Variants in PLXNA2 observed in about 807,000 individuals in gnomAD.
PLXNA2 encodes plexin-A2.
In PLXNA2, 91 loss-of-function variants were observed where a neutral mutation model predicts 193.5. That is an observed-to-expected ratio of 0.47 (90% CI 0.40 to 0.56). The LOEUF is 0.56. Ranked by LOEUF, PLXNA2 falls within the 20% of genes least tolerant of loss-of-function variation. The pLI is 0.00. For missense variants in PLXNA2, 1,995 were observed against 2,503.2 expected, an observed-to-expected ratio of 0.80 and a Z score of 4.33; for synonymous variants, 997 against 1,027.3, an observed-to-expected ratio of 0.97 and a Z score of 0.56.
At chr1:208,067,624 A>G (rs1381840904) in intron 12 of PLXNA2, among the ~76,000 whole-genome samples, 1 of 152,162 alleles carries the variant, frequency 6.6e-6, no homozygotes, top group East Asian at 1.9e-4. Flanking sequence ...GTTTAGATAC[A>G]CAAGTACTTA....
chr1:208,050,950 C>T, intron 17 of PLXNA2, 59 bp downstream of exon 17: 1 of 1,304,034 alleles, frequency 7.7e-7, no homozygotes, highest in Non-Finnish European at 1.1e-6. Flanking sequence ...CATCCCATTG[C>T]AAAACATCAA....
At chr1:208,145,395 C>T (rs981536765) in intron 3 of PLXNA2, among the ~76,000 whole-genome samples, 2 of 152,234 alleles carry the variant, frequency 1.3e-5, no homozygotes, top group African/African-American at 4.8e-5. Context: ...CAAGCCTGGT[C>T]TGGGATCTCC....
At chr1:208,029,120 T>C in intron 29 of PLXNA2, 78 bp from the exon 30 acceptor site, 1 of 1,573,734 alleles carries the variant, frequency 6.4e-7, no homozygotes, top group Non-Finnish European at 8.6e-7. Context: ...TTCTTCCCCA[T>C]CAAAGGTCAA....
chr1:208,066,906 T>C, intron 12 of PLXNA2, among the ~76,000 whole-genome samples: 1 of 152,126 alleles, frequency 6.6e-6, no homozygotes, highest in East Asian at 1.9e-4. Flanking sequence ...AGTAAAAAAG[T>C]GAATTTCAAA....
chr1:208,130,498 G>A (rs538287157), intron 4 of PLXNA2, among the ~76,000 whole-genome samples: 45 of 152,212 alleles, frequency 3.0e-4, no homozygotes, highest in African/African-American at 1.0e-3. Context: ...ATGCATACTC[G>A]AACCCAGGTC....
At chr1:208,029,169 A>C in intron 29 of PLXNA2, 127 bp from the exon 30 acceptor site, 3 of 1,475,648 alleles carry the variant, frequency 2.0e-6, no homozygotes, top group Non-Finnish European at 2.7e-6. Context: ...AAATGGAAGA[A>C]AATGGGTCCA....
In PLXNA2 at chr1:208,244,313, CGGCGG is replaced by C; in HGVS notation, c.-756_-752del. ...GCTCTGGCTCCCGCGGTGGCGGCGG[CGGCGG>C]CGGCGGCGGCGGCGGCGGAGGAGCC... On this transcript the variant is annotated 5_prime_UTR_variant, in exon 1 of 32. Coordinates refer to ENST00000367033, the MANE Select transcript of PLXNA2 (RefSeq NM_025179.4). 1 of 187,332 alleles carries C rather than the reference CGGCGG, an allele frequency of 5.3e-6. No individual in the cohort carries two copies. The highest frequency in any genetic ancestry group is 1.7e-4 in the East Asian group (1 of 5,756). 11.6% of individuals were successfully genotyped at this position (187,332 alleles called of 1,614,324 possible). A position where few individuals can be genotyped will look rare whatever the true frequency, so the allele number is the denominator to read the frequency against.
intron 4 of PLXNA2, among the ~76,000 whole-genome samples, chr1:208,109,548 T>C (rs555186980): frequency 1.3e-5 from 2 of 152,280 alleles, no homozygotes; most frequent in African/African-American, 4.8e-5. Flanking sequence ...CATTATCTCA[T>C]TTGATCTGCA....
chr1:208,067,259 A>G (rs12750379), intron 12 of PLXNA2, among the ~76,000 whole-genome samples: 71,815 of 150,972 alleles, frequency 0.48, 17,837 homozygotes, highest in Non-Finnish European at 0.55. Flanking sequence ...CAGGAGAATC[A>G]CTTGAAGCCG....
chr1:208,158,995 T>C (rs1486409669), intron 3 of PLXNA2, among the ~76,000 whole-genome samples: 3 of 152,168 alleles, frequency 2.0e-5, no homozygotes, highest in Non-Finnish European at 2.9e-5. Flanking sequence ...ACTGTGCTTC[T>C]CTGCATGGGA....
chr1:208,154,626 C>T lies in PLXNA2; in HGVS notation c.1372-12163G>A, dbSNP rs543377356. Among the ~76,000 whole-genome samples, 18 of 152,346 alleles carry T rather than the reference C, an allele frequency of 1.2e-4. No homozygotes were observed. The South Asian group carries it at 2.3e-3, about 19-fold the overall frequency. ...CTCCAAGTCAGATCACAGCAAGAGACGATGGAAGTGAGAGATTGTACAAGT... is the reference window on the plus strand; with the variant it reads ...CTCCAAGTCAGATCACAGCAAGAGATGATGGAAGTGAGAGATTGTACAAGT... On this transcript the variant is annotated intron_variant, in intron 3 of 31. Coordinates refer to ENST00000367033, the MANE Select transcript of PLXNA2 (RefSeq NM_025179.4).
chr1:208,063,121 C>T (rs1665670018), intron 12 of PLXNA2, among the ~76,000 whole-genome samples: 2 of 152,204 alleles, frequency 1.3e-5, no homozygotes, highest in Non-Finnish European at 2.9e-5. Flanking sequence ...ACCTCTCCTT[C>T]CCCTACTTTT....
At chr1:208,131,476 C>T (rs1228446214) in intron 4 of PLXNA2, among the ~76,000 whole-genome samples, 2 of 152,166 alleles carry the variant, frequency 1.3e-5, no homozygotes, top group Non-Finnish European at 2.9e-5. Context: ...TGAAACTCAA[C>T]GCAGGGAACA....
chr1:208,084,707 G>A (rs765157771), intron 9 of PLXNA2, 127 bp from the exon 10 acceptor site: 66 of 798,464 alleles, frequency 8.3e-5, no homozygotes, highest in Non-Finnish European at 1.1e-4. Flanking sequence ...TGTAAGGCCC[G>A]TGGAATGGGC....
intron 3 of PLXNA2, among the ~76,000 whole-genome samples, chr1:208,149,851 A>C (rs571613810): frequency 1.3e-3 from 203 of 152,228 alleles, no homozygotes; most frequent in Admixed American, 5.3e-3. Context: ...ATACACATAC[A>C]CACACACTCT....
At chr1:208,235,927 G>T (rs1671837716) in intron 1 of PLXNA2, among the ~76,000 whole-genome samples, 1 of 152,196 alleles carries the variant, frequency 6.6e-6, no homozygotes, top group Non-Finnish European at 1.5e-5. Context: ...AGGGGGTGGG[G>T]TGTTTGCCTT....
chr1:208,153,040 C>G (rs1390744490), intron 3 of PLXNA2, among the ~76,000 whole-genome samples: 4 of 152,236 alleles, frequency 2.6e-5, no homozygotes, highest in Middle Eastern at 3.4e-3. Context: ...GAGAAGAAAC[C>G]ATGCTTTGTA....
In PLXNA2 at chr1:208,216,752, C is replaced by T. The variant is rs765330302; in HGVS notation, c.1171G>A (p.Val391Ile). 14 of 1,612,972 alleles carry T rather than the reference C, an allele frequency of 8.7e-6. No homozygotes were observed. The highest frequency in any genetic ancestry group is 2.2e-5 in the East Asian group (1 of 44,888). Residue 391 changes from valine (V) to isoleucine (I), a missense_variant, in exon 2 of 32, where the codon GTC (valine) becomes ATC (isoleucine). Around this residue, in one of 3 missense-constraint regions of PLXNA2, gnomAD observed 702 missense variants for 812.9 expected, o/e 0.86. Coordinates refer to ENST00000367033, the MANE Select transcript of PLXNA2 (RefSeq NM_025179.4). ...CTCCTTACCGCCTTGGTGCACTGGA[C>T]GTCCTTCCCCAGCAGCCAGTTGAGC... The part of the protein sequence containing the change: ...LELNWLLGKD[V>I]QCTKAPVPID...
chr1:208,030,773 C>T (rs1162511480), intron 29 of PLXNA2: 1 of 985,086 alleles, frequency 1.0e-6, no homozygotes, highest in Admixed American at 6.1e-5. Flanking sequence ...CTGGACCTCC[C>T]CTCTCCCCTC....
Sources: gnomAD v4.1 joint callset for allele counts (sites outside exome capture counted in the v4.1 genomes callset) on GRCh38, gnomAD v4.1.1 for gene constraint, gnomAD v4.1.1 regional missense constraint, MANE v1.5 for transcripts, NCBI Gene and HGNC (gene_info 2026-07-23, HGNC 2026-07-21) for gene names.